The following KDM4B variants were observed in gnomAD, a reference collection of about 807,000 sequenced individuals.
KDM4B encodes lysine demethylase 4B, also known as lysine-specific demethylase 4B.
KDM4B carries 32 observed loss-of-function variants against 125.2 expected under a neutral mutation model. The observed-to-expected ratio is 0.26, with a 90% CI of 0.19 to 0.34. KDM4B has a LOEUF of 0.34. Among genes scored for constraint, KDM4B ranks in the 10% least tolerant of loss-of-function variants. The pLI, the probability that KDM4B is intolerant of heterozygous loss-of-function variation, is 1.00. For missense variants in KDM4B, 1,190 were observed against 1,577.7 expected, an observed-to-expected ratio of 0.75 and a Z score of 4.16; for synonymous variants, 721 against 677.9, an observed-to-expected ratio of 1.06 and a Z score of -0.99.
At chr19:5,012,470 G>A (rs1027288594) in intron 1 of KDM4B, among the ~76,000 whole-genome samples, 15 of 152,156 alleles carry the variant, frequency 9.9e-5, no homozygotes, top group Admixed American at 4.6e-4. Context: ...CTCGTGGCCC[G>A]TAGCCGTCCC....
intron 1 of KDM4B, among the ~76,000 whole-genome samples, chr19:4,975,855 A>G (rs2034427204): frequency 6.6e-6 from 1 of 151,266 alleles, no homozygotes; most frequent in African/African-American, 2.4e-5. Flanking sequence ...GGCCTCCCAA[A>G]GTGCTGGGAT....
At chr19:5,095,417 A>G (rs895811918) in intron 9 of KDM4B, among the ~76,000 whole-genome samples, 1 of 152,242 alleles carries the variant, frequency 6.6e-6, no homozygotes, top group Non-Finnish European at 1.5e-5. Context: ...GCTTTTAAAA[A>G]AGAGATGGCC....
At chr19:5,041,393 C>T in intron 5 of KDM4B, 142 bp downstream of exon 5, 1 of 598,408 alleles carries the variant, frequency 1.7e-6, no homozygotes, top group South Asian at 1.8e-5. Flanking sequence ...TGGATGCGGG[C>T]CTCGCCCTGT....
At chr19:5,146,562 G>A (rs1238368940) in intron 21 of KDM4B, among the ~76,000 whole-genome samples, 1 of 152,134 alleles carries the variant, frequency 6.6e-6, no homozygotes, top group African/African-American at 2.4e-5. Flanking sequence ...GCACCCCTTA[G>A]CCCATCCCAG....
At chr19:5,043,189 G>GCT (rs2036880222) in intron 5 of KDM4B, among the ~76,000 whole-genome samples, 2 of 145,324 alleles carry the variant, frequency 1.4e-5, no homozygotes, top group Non-Finnish European at 3.0e-5. Flanking sequence ...TATCCCGCGT[G>GCT]GTGTTTATTG....
intron 14 of KDM4B, 66 bp downstream of exon 14, chr19:5,134,127 C>A: frequency 6.9e-7 from 1 of 1,447,920 alleles, no homozygotes; most frequent in Non-Finnish European, 9.3e-7. Flanking sequence ...GGGCGAGGGA[C>A]CGGGCACCCC....
chr19:5,013,209 G>A (rs1449498925), intron 1 of KDM4B, among the ~76,000 whole-genome samples: 1 of 152,218 alleles, frequency 6.6e-6, no homozygotes, highest in African/African-American at 2.4e-5. Flanking sequence ...TTGACCAAGT[G>A]CTGAGAGTGG....
Position 5,130,881 on chromosome 19 carries a change from T to G in KDM4B, c.1316-195T>G, listed in dbSNP as rs1181569597. On this transcript the variant is annotated intron_variant, in intron 11 of 22. Transcript: ENST00000159111. ...TTGTGGGGAGACCAAGGCCTGGGGG[T>G]GCCTGGCCAGGTGCCCCTGCGGTGA... Among the ~76,000 whole-genome samples, 12 of 152,184 alleles carry G rather than the reference T, an allele frequency of 7.9e-5. No homozygotes were observed. The East Asian group carries it at 2.3e-3, about 29-fold the overall frequency.
At chr19:5,068,582 T>C (rs2037849325) in intron 6 of KDM4B, among the ~76,000 whole-genome samples, 1 of 152,214 alleles carries the variant, frequency 6.6e-6, no homozygotes, top group African/African-American at 2.4e-5. Flanking sequence ...GCCTGTGTCC[T>C]TGGGGGTGGC....
At chr19:5,126,331 G>T (rs1447887854) in intron 11 of KDM4B, among the ~76,000 whole-genome samples, 1 of 152,096 alleles carries the variant, frequency 6.6e-6, no homozygotes, top group African/African-American at 2.4e-5. Flanking sequence ...GGGACTAGCA[G>T]CCCCACCAGC....
intron 13 of KDM4B, among the ~76,000 whole-genome samples, chr19:5,132,826 C>T (rs1568317821): frequency 1.3e-5 from 2 of 152,156 alleles, no homozygotes; most frequent in South Asian, 2.1e-4. Context: ...GAGTGACAGA[C>T]GCAGCCAGTG....
At position 5,010,100 on chromosome 19, in the gene KDM4B, G is replaced by A. The variant is rs375460931; in HGVS notation, c.-108-6157G>A. ...TGTCCCTTTCCTGGTCTAGGACCTC[G>A]TCCAGGACCCCACTCACCATTTAGT... On this transcript the variant is annotated intron_variant, in intron 1 of 22. Coordinates refer to ENST00000159111, the MANE Select transcript of KDM4B (RefSeq NM_015015.3). Among the ~76,000 whole-genome samples the A allele has an allele frequency of 3.9e-5, 6 of 152,102 alleles. No homozygotes were observed. In the South Asian group the frequency reaches 1.2e-3, roughly 32 times the overall value.
At chr19:5,088,645 G>A (rs1297772670) in intron 9 of KDM4B, among the ~76,000 whole-genome samples, 1 of 146,562 alleles carries the variant, frequency 6.8e-6, no homozygotes, top group Non-Finnish European at 1.5e-5. Flanking sequence ...GGCTGCAGGG[G>A]ACAGGCCAGG....
At chr19:5,051,367 G>T (rs1460181052) in intron 6 of KDM4B, among the ~76,000 whole-genome samples, 2 of 152,252 alleles carry the variant, frequency 1.3e-5, no homozygotes, top group Non-Finnish European at 2.9e-5. Context: ...ACCTGGCCGA[G>T]GCTTCGGGTC....
At position 5,150,976 on chromosome 19, in the gene KDM4B, G is replaced by A. The variant is rs115452073; in HGVS notation, c.3115-359G>A. 2.1e-3 allele frequency among the ~76,000 whole-genome samples: 314 copies of A among 152,274 alleles called. 1 individual carries two copies. The highest frequency in any genetic ancestry group is 7.4e-3 in the African/African-American group (308 of 41,556). ...GGCTTCCTTTATTCTCTTTCTAATC[G>A]AGAGGCGAGAGGCGAGGTGTTGAGG... On this transcript the variant is annotated intron_variant, in intron 22 of 22. Transcript: ENST00000159111.
intron 1 of KDM4B, among the ~76,000 whole-genome samples, chr19:4,982,998 A>G (rs1261690862): frequency 1.3e-5 from 2 of 152,226 alleles, no homozygotes; most frequent in East Asian, 3.8e-4. Flanking sequence ...GCTGAGTTAA[A>G]AGGTGAAGAG....
At chr19:5,146,553 C>T (rs2039848943) in intron 21 of KDM4B, among the ~76,000 whole-genome samples, 1 of 152,208 alleles carries the variant, frequency 6.6e-6, no homozygotes, top group Non-Finnish European at 1.5e-5. Flanking sequence ...GGTCGATTTG[C>T]ACCCCTTAGC....
chr19:5,102,700 G>A (rs574211363), intron 9 of KDM4B, among the ~76,000 whole-genome samples: 3 of 152,196 alleles, frequency 2.0e-5, no homozygotes, highest in Admixed American at 6.5e-5. Context: ...AATGGGCGGC[G>A]GGCGACGGGT....
chr19:5,063,142 C>G (rs1025757756), intron 6 of KDM4B, among the ~76,000 whole-genome samples: 1 of 151,970 alleles, frequency 6.6e-6, no homozygotes, highest in Non-Finnish European at 1.5e-5. Context: ...TCCTGGTTGC[C>G]TGAGAATTTT....
Sources: allele counts gnomAD v4.1 joint callset (sites outside exome capture counted in the v4.1 genomes callset), GRCh38; gene constraint gnomAD v4.1.1; transcripts MANE v1.5; gene names NCBI Gene and HGNC (gene_info 2026-07-23, HGNC 2026-07-21).